Variants in USP1 observed in about 807,000 individuals in gnomAD.
The protein encoded by USP1 is ubiquitin specific peptidase 1, also known as ubiquitin carboxyl-terminal hydrolase 1.
A neutral mutation model predicts 72.2 loss-of-function variants in USP1; 18 were observed. The ratio of observed to expected loss-of-function variants is 0.25; its 90% CI spans 0.17 to 0.37. USP1 has a LOEUF of 0.37. Among genes scored for constraint, USP1 ranks in the 10% least tolerant of loss-of-function variants. USP1 has a pLI of 1.00. For synonymous variants in USP1, 354 were observed against 303.7 expected, an observed-to-expected ratio of 1.17 and a Z score of -1.72; for missense variants, 759 against 884.9, an observed-to-expected ratio of 0.86 and a Z score of 1.81.
chr1:62,441,410 A>T (rs1645133178), intron 2 of USP1, 78 bp from the exon 3 acceptor site: 2 of 1,417,884 alleles, frequency 1.4e-6, no homozygotes, highest in African/African-American at 1.5e-5. Flanking sequence ...TTGGGAAAAG[A>T]CTAAATCTAC....
intron 1 of USP1, among the ~76,000 whole-genome samples, chr1:62,439,302 A>C (rs1259180376): frequency 6.6e-6 from 1 of 152,098 alleles, no homozygotes. Flanking sequence ...CTCCTGTCTC[A>C]GCCTCCTGAG....
upstream of USP1, chr1:62,437,027 A>C: frequency 7.5e-6 from 3 of 398,256 alleles, no homozygotes; most frequent in Non-Finnish European, 1.3e-5. Context: ...GGAGGCTAAA[A>C]CACGGGGGTC....
rs552320458 is a variant in USP1, at chr1:62,437,139, C to G, written c.-331C>G. Reference sequence around the variant, plus strand: ...AGCGGGGCCGCTGCTTGTTGCGCTCCTGGCTCTCCCGGGGCGGGCGCAGAT... The same window carrying G: ...AGCGGGGCCGCTGCTTGTTGCGCTCGTGGCTCTCCCGGGGCGGGCGCAGAT... On this transcript the variant is annotated 5_prime_UTR_variant, in exon 1 of 9. Coordinates refer to ENST00000339950, the MANE Select transcript of USP1 (RefSeq NM_003368.5). 5 of 399,024 alleles carry G rather than the reference C, an allele frequency of 1.3e-5. No homozygotes were observed. Among genetic ancestry groups the G allele is most frequent in the African/African-American group, 6.2e-5 (3 of 48,648 alleles). The allele number at this position is 399,024 out of a possible 1,614,324, so 24.7% of individuals were successfully genotyped here.
chr1:62,445,295 A>T lies in USP1; in HGVS notation c.1115A>T (p.Lys372Ile), dbSNP rs1324676416. 1 of 1,613,622 alleles carries T rather than the reference A, an allele frequency of 6.2e-7. No individual in the cohort carries two copies. The highest frequency in any genetic ancestry group is 1.3e-5 in the African/African-American group (1 of 74,910). The change falls in exon 6 of 9, where the codon AAA becomes ATA. Residue 372 changes from lysine (K) to isoleucine (I), a missense_variant. Lys to Ile is a moderately radical substitution (Grantham distance 102, BLOSUM62 -3). This residue lies in a region of USP1 where 245 missense variants were observed against 240.7 expected (regional missense o/e 1.02). Transcript: ENST00000339950. ...TTNQGVKGQSKENECDPEEDL... is the reference protein window; with the variant it reads ...TTNQGVKGQSIENECDPEEDL... ...AACCAAGGAGTCAAAGGACAATCTA[A>T]AGAAAATGAATGTGATCCTGAAGAG...
chr1:62,438,593 G>A (rs1480626988), intron 1 of USP1, among the ~76,000 whole-genome samples: 2 of 152,144 alleles, frequency 1.3e-5, no homozygotes, highest in Non-Finnish European at 2.9e-5. Context: ...CGTTGCTGAA[G>A]TTTTGGGCTT....
intron 7 of USP1, among the ~76,000 whole-genome samples, chr1:62,448,045 CA>C (rs925068969): frequency 1.3e-5 from 2 of 152,188 alleles, no homozygotes; most frequent in Non-Finnish European, 2.9e-5. Context: ...CTTGGCCTCC[CA>C]AAGTGCTGGG....
chr1:62,441,271 CTTG>C (rs1219240015), intron 2 of USP1, among the ~76,000 whole-genome samples: 1 of 152,110 alleles, frequency 6.6e-6, no homozygotes, highest in Non-Finnish European at 1.5e-5. Context: ...TGTTCTGTGG[CTTG>C]TTATGTGTAA....
In USP1 at chr1:62,451,159, T is replaced by G. The variant is rs1302921983; in HGVS notation, c.*178T>G. The stretch of plus-strand genomic sequence containing the variant: ...TGAAAACCATGTTAATTTTTAGAAC[T>G]CATTTTCCTCAGTAGAGACTAGTGA... On this transcript the variant is annotated 3_prime_UTR_variant, in exon 9 of 9. Coordinates refer to ENST00000339950, the MANE Select transcript of USP1 (RefSeq NM_003368.5). 1 of 646,120 alleles carries G rather than the reference T, an allele frequency of 1.5e-6. No homozygotes were observed. The highest frequency in any genetic ancestry group is 2.4e-6 in the Non-Finnish European group (1 of 424,836). 40.0% of individuals were successfully genotyped at this position (646,120 alleles called of 1,614,324 possible). A position where few individuals can be genotyped will look rare whatever the true frequency, so the allele number is the denominator to read the frequency against.
rs374094755 is a variant in USP1, at chr1:62,443,329, A to G, written c.557+10A>G. 2.5e-6 allele frequency: 4 copies of G among 1,578,786 alleles called. No homozygotes were observed. In the African/African-American group the frequency reaches 5.5e-5, roughly 22 times the overall value. Reference sequence around the variant, plus strand: ...TGCTTAACACACTGAGGTATAGCCTATAATATAATTTTAGGGTTTCAATTT... The same window carrying G: ...TGCTTAACACACTGAGGTATAGCCTGTAATATAATTTTAGGGTTTCAATTT... On this transcript the variant is annotated intron_variant, in intron 5 of 8. Transcript: ENST00000339950.
At position 62,450,708 on chromosome 1, in the gene USP1, T is replaced by C; in HGVS notation, c.2085T>C (p.Phe695=). Residue 695 remains phenylalanine (F), a synonymous_variant, in exon 9 of 9, where the codon TTT becomes TTC. Coordinates refer to ENST00000339950, the MANE Select transcript of USP1 (RefSeq NM_003368.5). ...SNPDKVASTA[F]AENRNSETSD... is the part of the protein sequence containing the mutation. ...CTGATAAGGTTGCTAGTACAGCGTT[T>C]GCTGAAAATAGAAATTCTGAGACTA... The C allele has an allele frequency of 6.2e-7, 1 of 1,614,084 alleles. No individual in the cohort carries two copies. The highest frequency in any genetic ancestry group is 8.5e-7 in the Non-Finnish European group (1 of 1,179,994).
At chr1:62,448,189 A>C (rs1645189555) in intron 7 of USP1, among the ~76,000 whole-genome samples, 1 of 152,250 alleles carries the variant, frequency 6.6e-6, no homozygotes, top group South Asian at 2.1e-4. Flanking sequence ...AGGTTTACCT[A>C]TCACATATTG....
rs1480454060 is a variant in USP1 at position 62,446,223 on chromosome 1, C to CT, written c.1249+795dup. 2.4e-4 allele frequency among the ~76,000 whole-genome samples: 37 copies of CT among 152,160 alleles called. No individual in the cohort carries two copies. The East Asian group carries it at 6.8e-3, about 28-fold the overall frequency. ...TTACACAACTAGATGCTAGAGCGTA[C>CT]TACACAACTAGCCTATATGGTATAG... On this transcript the variant is annotated intron_variant, in intron 6 of 8. Coordinates refer to ENST00000339950, the MANE Select transcript of USP1 (RefSeq NM_003368.5).
rs1645204882 is a variant in USP1 at position 62,450,259 on chromosome 1, G to C, written c.1636G>C (p.Gly546Arg). Residue 546 changes from glycine to arginine, a missense_variant, in exon 9 of 9, where the codon GGT becomes CGT. Transcript: ENST00000339950. ...TTCCTCCCAAAGGTTTGATTGTTATGGTGGTGGACTTTCCAAGATCAACAC... is the reference window on the plus strand; with the variant it reads ...TTCCTCCCAAAGGTTTGATTGTTATCGTGGTGGACTTTCCAAGATCAACAC... Reference protein sequence around the residue: ...AASGLEFDCYGGGLSKINTPL... With the variant: ...AASGLEFDCYRGGLSKINTPL... The C allele has an allele frequency of 6.2e-7, 1 of 1,610,824 alleles. No homozygotes were observed. Among genetic ancestry groups the C allele is most frequent in the Non-Finnish European group, 8.5e-7 (1 of 1,177,604 alleles).
chr1:62,445,321 G>T lies in USP1; in HGVS notation c.1141G>T (p.Asp381Tyr), dbSNP rs148793439. The change falls in exon 6 of 9, where the codon GAC becomes TAC. Residue 381 changes from aspartate (D) to tyrosine (Y), a missense_variant. Physicochemically the swap from Asp to Tyr is radical, Grantham distance 160 (BLOSUM62 -3). Transcript: ENST00000339950. ...SKENECDPEE[D>Y]LGKCESDNTT... ...AGAAAATGAATGTGATCCTGAAGAG[G>T]ACTTGGGGAAGTGTGAAAGTGATAA... The T allele has an allele frequency of 1.9e-6, 3 of 1,613,442 alleles. No homozygotes were observed. Among genetic ancestry groups the T allele is most frequent in the African/African-American group, 1.3e-5 (1 of 74,910 alleles).
In USP1 at chr1:62,437,096, C is replaced by G. The variant is rs1645093320; in HGVS notation, c.-374C>G. 2 of 398,844 alleles carry G rather than the reference C, an allele frequency of 5.0e-6. No individual in the cohort carries two copies. The highest frequency in any genetic ancestry group is 4.4e-6 in the Non-Finnish European group (1 of 226,014). The allele number at this position is 398,844 out of a possible 1,614,324, so 24.7% of individuals were successfully genotyped here. A position where few individuals can be genotyped will look rare whatever the true frequency, so the allele number is the denominator to read the frequency against. ...GGTGGCGGAGTGCTAAAGACCCTAG[C>G]GGTTCAGGCGTTCGGCGAGCGGGGC... On this transcript the variant is annotated 5_prime_UTR_variant, in exon 1 of 9. Coordinates refer to ENST00000339950, the MANE Select transcript of USP1 (RefSeq NM_003368.5).
rs1645185820 is a variant in USP1, at chr1:62,447,807, G to GA, written c.1420+297dup. Among the ~76,000 whole-genome samples, 21 of 152,190 alleles carry GA rather than the reference G, an allele frequency of 1.4e-4. No individual in the cohort carries two copies. In the South Asian group the frequency reaches 4.4e-3, roughly 32 times the overall value. On this transcript the variant is annotated intron_variant, in intron 7 of 8. Transcript: ENST00000339950. ...TGAGGGTTTTTTTTAATTTTTTTGA[G>GA]ATGGAGTCTTGCTCGGTTGCCCAGG... is the stretch of plus-strand genomic sequence containing the variant.
intron 8 of USP1, 127 bp from the exon 9 acceptor site, chr1:62,450,119 C>T: frequency 8.6e-7 from 1 of 1,167,716 alleles, no homozygotes; most frequent in Non-Finnish European, 1.1e-6. Flanking sequence ...TTTGATTCTG[C>T]TTTTCTGATA....
chr1:62,441,702 C>T, intron 3 of USP1, 94 bp downstream of exon 3: 1 of 1,377,926 alleles, frequency 7.3e-7, no homozygotes, highest in Non-Finnish European at 9.7e-7. Flanking sequence ...CTTTAATGTC[C>T]ATACTGTCTT....
intron 1 of USP1, among the ~76,000 whole-genome samples, chr1:62,438,911 G>A (rs562924021): frequency 6.6e-6 from 1 of 152,182 alleles, no homozygotes; most frequent in Non-Finnish European, 1.5e-5. Context: ...TTTTTATCAC[G>A]GTCTCAACTT....
Sources: gnomAD v4.1 joint callset for allele counts (sites outside exome capture counted in the v4.1 genomes callset) on GRCh38, gnomAD v4.1.1 for gene constraint, gnomAD v4.1.1 regional missense constraint, MANE v1.5 for transcripts, NCBI Gene and HGNC (gene_info 2026-07-23, HGNC 2026-07-21) for gene names.